The following SLC35F4 variants were observed in gnomAD, a reference collection of about 807,000 sequenced individuals.
SLC35F4 encodes chromosome 14 open reading frame 36.
Under a neutral mutation model 44.2 loss-of-function variants are expected in SLC35F4, and 24 were observed. The observed-to-expected ratio is 0.54, with a 90% CI of 0.39 to 0.76. The LOEUF (loss-of-function observed/expected upper bound fraction) is 0.76. Among genes scored for constraint, SLC35F4 ranks in the 30% least tolerant of loss-of-function variants. The pLI, the probability that SLC35F4 is intolerant of heterozygous loss-of-function variation, is 0.00. For missense variants in SLC35F4, 562 were observed against 586.1 expected (o/e 0.96, Z 0.42); for synonymous variants, 238 against 223.6 (o/e 1.06, Z -0.57).
intron 1 of SLC35F4, among the ~76,000 whole-genome samples, chr14:57,793,317 G>A (rs1315149088): frequency 1.3e-5 from 2 of 151,802 alleles, no homozygotes; most frequent in East Asian, 3.9e-4. Context: ...ACTGTACAGT[G>A]GTGAAGACTG....
intron 1 of SLC35F4, among the ~76,000 whole-genome samples, chr14:57,887,292 G>C (rs960397816): frequency 2.6e-5 from 4 of 152,124 alleles, no homozygotes; most frequent in African/African-American, 4.8e-5. Context: ...GGAGGGTGAG[G>C]CTTGAAGGGA....
chr14:57,956,871 AAGAT>A (rs1317736843), intron 1 of SLC35F4, among the ~76,000 whole-genome samples: 1 of 152,202 alleles, frequency 6.6e-6, no homozygotes, highest in African/African-American at 2.4e-5. Context: ...ACCATTGCGG[AAGAT>A]AGTGTGGCAA....
At chr14:57,683,249 A>G (rs1484783188) in intron 1 of SLC35F4, among the ~76,000 whole-genome samples, 1 of 152,186 alleles carries the variant, frequency 6.6e-6, no homozygotes, top group Non-Finnish European at 1.5e-5. Context: ...TACTTTCACA[A>G]AGTCATTTGA....
At chr14:57,803,039 G>A (rs955611663) in intron 1 of SLC35F4, among the ~76,000 whole-genome samples, 7 of 144,354 alleles carry the variant, frequency 4.8e-5, no homozygotes, top group Middle Eastern at 3.7e-3. Context: ...GATGAACATC[G>A]ATGCAAAAAT....
chr14:57,566,647 CT>C, intron 6 of SLC35F4, 83 bp from the exon 7 acceptor site: 2 of 1,340,564 alleles, frequency 1.5e-6, no homozygotes, highest in Non-Finnish European at 2.1e-6. Context: ...GAATCAATGT[CT>C]TTGCTACATG....
chr14:57,768,477 T>C (rs1292798765), intron 1 of SLC35F4, among the ~76,000 whole-genome samples: 1 of 152,160 alleles, frequency 6.6e-6, no homozygotes, highest in Non-Finnish European at 1.5e-5. Flanking sequence ...CAAAATATAC[T>C]GGGGGTGAGG....
At chr14:57,909,354 T>C (rs919746197) in intron 1 of SLC35F4, among the ~76,000 whole-genome samples, 6 of 152,080 alleles carry the variant, frequency 3.9e-5, no homozygotes, top group African/African-American at 1.2e-4. Context: ...ATTTGATAAA[T>C]ATATAGTAAC....
intron 1 of SLC35F4, among the ~76,000 whole-genome samples, chr14:57,660,884 C>G (rs1225186806): frequency 2.0e-5 from 3 of 151,992 alleles, no homozygotes; most frequent in Admixed American, 6.6e-5. Context: ...TCCCAAATTC[C>G]TGACTCTCAG....
At chr14:57,879,062 A>G (rs958730924) in intron 1 of SLC35F4, among the ~76,000 whole-genome samples, 7 of 152,264 alleles carry the variant, frequency 4.6e-5, no homozygotes, top group Middle Eastern at 3.4e-3. Context: ...GTCATGATCC[A>G]CTTCTAAAGA....
At chr14:57,725,741 C>T (rs2076186077) in intron 1 of SLC35F4, among the ~76,000 whole-genome samples, 1 of 152,104 alleles carries the variant, frequency 6.6e-6, no homozygotes, top group Admixed American at 6.5e-5. Context: ...CTTTGCAGGG[C>T]TGGGGCAAAG....
chr14:57,752,350 A>T (rs571896182), intron 1 of SLC35F4, among the ~76,000 whole-genome samples: 1 of 151,246 alleles, frequency 6.6e-6, no homozygotes, highest in East Asian at 1.9e-4. Flanking sequence ...CACCCTCTCC[A>T]CCCTCCCTTG....
chr14:57,750,633 T>C (rs575773475), intron 1 of SLC35F4, among the ~76,000 whole-genome samples: 26 of 152,336 alleles, frequency 1.7e-4, no homozygotes, highest in Admixed American at 1.4e-3. Context: ...ATTAGCAATG[T>C]TGAACATTTT....
At chr14:57,793,743 G>A (rs1222763724) in intron 1 of SLC35F4, among the ~76,000 whole-genome samples, 1 of 152,070 alleles carries the variant, frequency 6.6e-6, no homozygotes, top group African/African-American at 2.4e-5. Context: ...AGATTTCCCA[G>A]CAGTGGAATT....
intron 1 of SLC35F4, among the ~76,000 whole-genome samples, chr14:57,898,009 G>A (rs1198433372): frequency 6.6e-6 from 1 of 152,164 alleles, no homozygotes; most frequent in Non-Finnish European, 1.5e-5. Context: ...TCTTCAGGTA[G>A]CAATGAAACT....
intron 1 of SLC35F4, among the ~76,000 whole-genome samples, chr14:57,959,107 A>G (rs1371927048): frequency 6.6e-6 from 1 of 152,196 alleles, no homozygotes; most frequent in Admixed American, 6.5e-5. Context: ...TCTATTGACC[A>G]CTTACTGCAT....
chr14:57,730,867 T>C (rs1186020495), intron 1 of SLC35F4, among the ~76,000 whole-genome samples: 2 of 152,218 alleles, frequency 1.3e-5, no homozygotes, highest in Non-Finnish European at 2.9e-5. Context: ...GAGACCAGTT[T>C]CCTTTTAAAA....
chr14:57,744,121 T>C (rs954115401), intron 1 of SLC35F4, among the ~76,000 whole-genome samples: 5 of 152,196 alleles, frequency 3.3e-5, no homozygotes, highest in Non-Finnish European at 7.3e-5. Flanking sequence ...GCCAATATCA[T>C]ACTGAATGGG....
chr14:57,705,093 A>G (rs1266113072), intron 1 of SLC35F4, among the ~76,000 whole-genome samples: 1 of 152,192 alleles, frequency 6.6e-6, no homozygotes, highest in Non-Finnish European at 1.5e-5. Context: ...AGCTCATAAA[A>G]TTGTTCTGAG....
At chr14:57,808,038 T>C (rs926024750) in intron 1 of SLC35F4, among the ~76,000 whole-genome samples, 4 of 151,756 alleles carry the variant, frequency 2.6e-5, no homozygotes, top group Admixed American at 2.0e-4. Context: ...CAAGAAAACC[T>C]GCCCCCATGA....
Sources: gnomAD v4.1 joint callset for allele counts (sites outside exome capture counted in the v4.1 genomes callset) on GRCh38, gnomAD v4.1.1 for gene constraint, MANE v1.5 for transcripts, NCBI Gene and HGNC (gene_info 2026-07-23, HGNC 2026-07-21) for gene names.